Variants in BNC2 observed in about 807,000 individuals in gnomAD.
BNC2 encodes the protein basonuclin zinc finger protein 2.
In BNC2, 20 loss-of-function variants were observed where a neutral mutation model predicts 76.3. That is an observed-to-expected ratio of 0.26 (90% CI 0.18 to 0.38). The LOEUF is 0.38. Ranked by LOEUF, BNC2 falls within the 10% of genes least tolerant of loss-of-function variation. BNC2 has a pLI of 1.00. For missense variants in BNC2, 1,382 were observed against 1,399.8 expected (o/e 0.99, Z 0.20); for synonymous variants, 582 against 514.8 (o/e 1.13, Z -1.77).
At chr9:16,665,237 G>A (rs766259338) in intron 3 of BNC2, 15 of 370,774 alleles carry the variant, frequency 4.0e-5, no homozygotes, top group Non-Finnish European at 7.3e-5. Context: ...AGGCATGGTG[G>A]TGCATGCCTG....
At chr9:16,711,068 A>G (rs747604851) in intron 3 of BNC2, among the ~76,000 whole-genome samples, 3 of 152,006 alleles carry the variant, frequency 2.0e-5, no homozygotes, top group Non-Finnish European at 4.4e-5. Context: ...AATTAGTGCT[A>G]CGTGACACGA....
intron 5 of BNC2, among the ~76,000 whole-genome samples, chr9:16,536,256 T>C (rs973763742): frequency 2.6e-5 from 4 of 151,364 alleles, no homozygotes; most frequent in Admixed American, 6.6e-5. Flanking sequence ...AAATCTTTTA[T>C]AGACAATTCT....
Position 16,705,806 on chromosome 9 carries a change from A to T in BNC2, c.330+21991T>A, listed in dbSNP as rs531626643. 1.1e-4 allele frequency among the ~76,000 whole-genome samples: 16 copies of T among 152,346 alleles called. No individual in the cohort carries two copies. The East Asian group carries it at 2.1e-3, about 20-fold the overall frequency. ...GTTCTTTCACATTTAAGTGACATTC[A>T]ATTTAGATTTACAAAACACCCAGAA... On this transcript the variant is annotated intron_variant, in intron 3 of 6. Coordinates refer to ENST00000380672, the MANE Select transcript of BNC2 (RefSeq NM_017637.6).
intron 1 of BNC2, among the ~76,000 whole-genome samples, chr9:16,768,002 T>C (rs1033542747): frequency 1.2e-4 from 18 of 151,708 alleles, no homozygotes; most frequent in Non-Finnish European, 2.1e-4. Context: ...GTTTTGTTCT[T>C]TCACCCAGGC....
At chr9:16,831,082 A>T (rs1410616098) in intron 1 of BNC2, among the ~76,000 whole-genome samples, 4 of 152,200 alleles carry the variant, frequency 2.6e-5, no homozygotes, top group Non-Finnish European at 4.4e-5. Context: ...ACAACCTAAA[A>T]CAATCAGTGT....
At chr9:16,434,834 T>C (rs1820971938) in intron 6 of BNC2, 1 of 456,792 alleles carries the variant, frequency 2.2e-6, no homozygotes, top group Admixed American at 2.3e-5. Context: ...CTTCTGTGCA[T>C]AATCCGCATG....
At chr9:16,829,687 G>A (rs550099731) in intron 1 of BNC2, among the ~76,000 whole-genome samples, 1 of 152,118 alleles carries the variant, frequency 6.6e-6, no homozygotes, top group African/African-American at 2.4e-5. Flanking sequence ...TTAACGCACA[G>A]TAGGCACTTG....
chr9:16,578,020 A>C (rs909884316), intron 4 of BNC2, among the ~76,000 whole-genome samples: 3 of 152,078 alleles, frequency 2.0e-5, no homozygotes, highest in Non-Finnish European at 2.9e-5. Flanking sequence ...CATACCTAGG[A>C]AACAGTGGAA....
chr9:16,634,687 G>C (rs1821268517), intron 3 of BNC2, among the ~76,000 whole-genome samples: 1 of 151,948 alleles, frequency 6.6e-6, no homozygotes, highest in South Asian at 2.1e-4. Context: ...ATTTTTAGTA[G>C]AGATGGGGTT....
chr9:16,856,484 GCTGGA>G (rs1465671500), intron 1 of BNC2, among the ~76,000 whole-genome samples: 2 of 151,956 alleles, frequency 1.3e-5, no homozygotes, highest in Non-Finnish European at 2.9e-5. Context: ...TCTTGCCCAG[GCTGGA>G]CTTGTACTTC....
intron 5 of BNC2, among the ~76,000 whole-genome samples, chr9:16,461,600 G>A (rs564210267): frequency 1.3e-5 from 2 of 151,892 alleles, no homozygotes; most frequent in Non-Finnish European, 2.9e-5. Flanking sequence ...ACGTGGTGGG[G>A]GGTGGCGGGG....
At position 16,721,772 on chromosome 9, in the gene BNC2, T is replaced by A. The variant is rs538101607; in HGVS notation, c.330+6025A>T. Among the ~76,000 whole-genome samples the A allele has an allele frequency of 5.3e-5, 8 of 152,350 alleles. 1 individual carries two copies. In the East Asian group the frequency reaches 1.3e-3, roughly 26 times the overall value. ...AAAAGTCAACCTACCCGATTCACTCTGTTTTCTCTACAACCACAAAGTTCT... is the reference window on the plus strand; with the variant it reads ...AAAAGTCAACCTACCCGATTCACTCAGTTTTCTCTACAACCACAAAGTTCT... On this transcript the variant is annotated intron_variant, in intron 3 of 6. Coordinates refer to ENST00000380672, the MANE Select transcript of BNC2 (RefSeq NM_017637.6).
intron 3 of BNC2, among the ~76,000 whole-genome samples, chr9:16,668,780 G>A (rs1176487761): frequency 1.3e-5 from 2 of 152,110 alleles, no homozygotes; most frequent in Non-Finnish European, 2.9e-5. Flanking sequence ...TCTCTTGTTG[G>A]GCAAACTGCC....
chr9:16,855,297 G>T (rs140689684), intron 1 of BNC2, among the ~76,000 whole-genome samples: 2 of 152,300 alleles, frequency 1.3e-5, no homozygotes, highest in East Asian at 3.9e-4. Context: ...TTAAGATAAT[G>T]AATATCCCTT....
intron 3 of BNC2, among the ~76,000 whole-genome samples, chr9:16,659,149 G>T (rs576674071): frequency 8.9e-5 from 6 of 67,752 alleles, no homozygotes; most frequent in Admixed American, 2.3e-4. Flanking sequence ...ATGGATGGCG[G>T]GGGGGGGCAT....
chr9:16,585,496 G>A (rs1353438251), intron 3 of BNC2, among the ~76,000 whole-genome samples: 1 of 152,028 alleles, frequency 6.6e-6, no homozygotes, highest in African/African-American at 2.4e-5. Context: ...TTTAAATTCA[G>A]ATTTATATAG....
chr9:16,646,427 AAAG>A (rs1452459095), intron 3 of BNC2, among the ~76,000 whole-genome samples: 5 of 152,330 alleles, frequency 3.3e-5, no homozygotes, highest in African/African-American at 1.2e-4. Flanking sequence ...ACTTGGTAAT[AAAG>A]AAGACACAAA....
At position 16,437,115 on chromosome 9, in the gene BNC2, T is replaced by C. The variant is rs1318800775; in HGVS notation, c.1079A>G (p.Gln360Arg). 16 of 1,614,196 alleles carry C rather than the reference T, an allele frequency of 9.9e-6. No individual in the cohort carries two copies. The highest frequency in any genetic ancestry group is 1.1e-5 in the Non-Finnish European group (13 of 1,180,032). ...LRLREPSLST[Q>R]NEYNESSESE... is the part of the protein sequence containing the mutation. The stretch of plus-strand genomic sequence containing the variant: ...TTCGCTGCTCTCATTATATTCATTC[T>C]GAGTTGAAAGGCTGGGTTCCCGCAG... Residue 360 changes from glutamine (Q) to arginine (R), a missense_variant, in exon 6 of 7, where the codon CAG (glutamine) becomes CGG (arginine). Physicochemically the swap from Gln to Arg is conservative, Grantham distance 43. Coordinates refer to ENST00000380672, the MANE Select transcript of BNC2 (RefSeq NM_017637.6).
Position 16,793,862 on chromosome 9 carries a change from T to A in BNC2, c.4-55377A>T, listed in dbSNP as rs1456811464. Among the ~76,000 whole-genome samples the A allele has an allele frequency of 1.9e-4, 23 of 122,834 alleles. 1 individual carries two copies. The highest frequency in any genetic ancestry group is 3.0e-4 in the Non-Finnish European group (18 of 60,050). The allele number at this position is 122,834 out of a possible 152,430, so 80.6% of individuals were successfully genotyped here. On this transcript the variant is annotated intron_variant, in intron 1 of 6. Transcript: ENST00000380672. ...AGTTTTTGTTTTTTGTGGTTTTTGT[T>A]TTTTTGTTTTTTTTTTTTTTTAGTA... is the stretch of plus-strand genomic sequence containing the variant.
Sources: allele counts gnomAD v4.1 joint callset (sites outside exome capture counted in the v4.1 genomes callset), GRCh38; gene constraint gnomAD v4.1.1; transcripts MANE v1.5; gene names NCBI Gene and HGNC (gene_info 2026-07-23, HGNC 2026-07-21).